CHRM3: variants seen among roughly 807,000 people sequenced by gnomAD.
CHRM3 encodes cholinergic receptor muscarinic 3.
In CHRM3, 11 loss-of-function variants were observed where a neutral mutation model predicts 41.8. The observed-to-expected ratio is 0.26, with a 90% CI of 0.17 to 0.44. CHRM3 has a LOEUF of 0.44. Ranked by LOEUF, CHRM3 falls within the 20% of genes least tolerant of loss-of-function variation. CHRM3 has a pLI of 1.00. For missense variants in CHRM3, 571 were observed against 745.4 expected (o/e 0.77, Z 2.72); for synonymous variants, 297 against 301.4 (o/e 0.99, Z 0.15).
intron 4 of CHRM3, among the ~76,000 whole-genome samples, chr1:239,658,259 T>C (rs1457836874): frequency 1.3e-5 from 2 of 152,184 alleles, no homozygotes; most frequent in Non-Finnish European, 2.9e-5. Context: ...TTCCTCTGTT[T>C]GACTGACAAT....
chr1:239,610,495 C>T (rs76016051), intron 3 of CHRM3, among the ~76,000 whole-genome samples: 5,826 of 152,188 alleles, frequency 0.038, 142 homozygotes, highest in Middle Eastern at 0.068. Flanking sequence ...TGCTCCTAAT[C>T]TGAAATATAC....
At chr1:239,638,025 T>G (rs1670679409) in intron 4 of CHRM3, among the ~76,000 whole-genome samples, 1 of 150,800 alleles carries the variant, frequency 6.6e-6, no homozygotes, top group Non-Finnish European at 1.5e-5. Context: ...TGGTTTTTTG[T>G]TCTTGCAATA....
intron 5 of CHRM3, chr1:239,719,402 G>C (rs959160335): frequency 6.6e-6 from 1 of 151,974 alleles, no homozygotes; most frequent in Non-Finnish European, 1.5e-5. Flanking sequence ...TTTCCTGGCA[G>C]TATTACAGTT....
chr1:239,496,870 C>G (rs116022290), intron 2 of CHRM3, among the ~76,000 whole-genome samples: 4,515 of 152,150 alleles, frequency 0.03, 170 homozygotes, highest in African/African-American at 0.085. Flanking sequence ...GGAAATCTCA[C>G]TTTCCCAGCC....
intron 5 of CHRM3, among the ~76,000 whole-genome samples, chr1:239,697,723 C>T (rs979795592): frequency 2.6e-5 from 4 of 151,974 alleles, no homozygotes; most frequent in Non-Finnish European, 5.9e-5. Flanking sequence ...CTCCAAAGGC[C>T]GAAGAGCTAA....
At chr1:239,657,990 C>T (rs1672864727) in intron 4 of CHRM3, among the ~76,000 whole-genome samples, 1 of 152,050 alleles carries the variant, frequency 6.6e-6, no homozygotes, top group South Asian at 2.1e-4. Flanking sequence ...ATGGAATATA[C>T]TTTTGGGGGA....
At chr1:239,845,733 A>G (rs1374922511) in intron 6 of CHRM3, among the ~76,000 whole-genome samples, 2 of 152,190 alleles carry the variant, frequency 1.3e-5, no homozygotes, top group African/African-American at 4.8e-5. Flanking sequence ...AAAACAACTA[A>G]CAGATTAGGT....
intron 1 of CHRM3, among the ~76,000 whole-genome samples, chr1:239,469,293 C>T (rs540628828): frequency 2.6e-5 from 4 of 152,316 alleles, no homozygotes; most frequent in South Asian, 4.1e-4. Flanking sequence ...TCCTCCCATA[C>T]GTTGTATGTG....
At chr1:239,631,262 T>C (rs1043746104) in intron 3 of CHRM3, among the ~76,000 whole-genome samples, 17 of 152,248 alleles carry the variant, frequency 1.1e-4, no homozygotes, top group African/African-American at 3.9e-4. Flanking sequence ...TCTCCTTCTC[T>C]GTGCTGATCT....
Position 239,706,755 on chromosome 1 carries a change from C to T in CHRM3, c.-147+28467C>T, listed in dbSNP as rs1661223953. 1.3e-5 allele frequency among the ~76,000 whole-genome samples: 2 copies of T among 151,992 alleles called. 1 individual carries two copies. Among genetic ancestry groups the T allele is most frequent in the South Asian group, 4.2e-4 (2 of 4,818 alleles). On this transcript the variant is annotated intron_variant, in intron 5 of 6. Transcript: ENST00000676153. ...GCATGCACAGGCATGCACCCCCACA[C>T]CCATGTGCATGTACTCACACACACA...
At chr1:239,745,439 C>CAA (rs113616910) in intron 5 of CHRM3, among the ~76,000 whole-genome samples, 11 of 143,518 alleles carry the variant, frequency 7.7e-5, no homozygotes, top group Admixed American at 1.4e-4. Flanking sequence ...CTTTTCCTGT[C>CAA]AAAAAAAAAA....
chr1:239,703,362 A>G (rs781355269), intron 5 of CHRM3: 1 of 152,212 alleles, frequency 6.6e-6, no homozygotes, highest in African/African-American at 2.4e-5. Flanking sequence ...CAAGTAAAGG[A>G]AAACATAAAA....
At chr1:239,647,759 T>C (rs1423560113) in intron 4 of CHRM3, among the ~76,000 whole-genome samples, 1 of 152,170 alleles carries the variant, frequency 6.6e-6, no homozygotes, top group Non-Finnish European at 1.5e-5. Context: ...TACCCTAGTC[T>C]CCTGTATGTC....
At chr1:239,883,753 C>T (rs1677839938) in intron 6 of CHRM3, among the ~76,000 whole-genome samples, 1 of 152,152 alleles carries the variant, frequency 6.6e-6, no homozygotes, top group Non-Finnish European at 1.5e-5. Context: ...ATTTGTTGAA[C>T]ATCTGAATAA....
intron 1 of CHRM3, among the ~76,000 whole-genome samples, chr1:239,468,980 G>A (rs1171576399): frequency 6.6e-6 from 1 of 152,082 alleles, no homozygotes; most frequent in Admixed American, 6.6e-5. Context: ...AAATTATGCT[G>A]AATTTTATAG....
intron 2 of CHRM3, among the ~76,000 whole-genome samples, chr1:239,531,633 G>A (rs1411003834): frequency 2.5e-5 from 3 of 122,434 alleles, no homozygotes; most frequent in African/African-American, 9.7e-5. Flanking sequence ...AATCTCTCTA[G>A]AATGGATTTT....
intron 5 of CHRM3, among the ~76,000 whole-genome samples, chr1:239,777,874 G>C (rs888508099): frequency 5.9e-5 from 9 of 152,034 alleles, no homozygotes; most frequent in Non-Finnish European, 8.8e-5. Flanking sequence ...AATGCCTTTG[G>C]CCAGTTTCTT....
intron 5 of CHRM3, among the ~76,000 whole-genome samples, chr1:239,810,094 TG>T (rs1313400677): frequency 2.6e-5 from 4 of 152,132 alleles, no homozygotes; most frequent in Non-Finnish European, 5.9e-5. Context: ...TTGATCTGCG[TG>T]TGCCAAGCCA....
chr1:239,525,679 A>G (rs1669947014), intron 2 of CHRM3, among the ~76,000 whole-genome samples: 1 of 152,166 alleles, frequency 6.6e-6, no homozygotes, highest in South Asian at 2.1e-4. Flanking sequence ...ATAACAGCTT[A>G]ATTTTTTTAT....
Sources: allele counts gnomAD v4.1 joint callset (sites outside exome capture counted in the v4.1 genomes callset), GRCh38; gene constraint gnomAD v4.1.1; transcripts MANE v1.5; gene names NCBI Gene and HGNC (gene_info 2026-07-23, HGNC 2026-07-21).